Variants in IRAK1BP1 observed in about 807,000 individuals in gnomAD.
IRAK1BP1 encodes the protein interleukin 1 receptor associated kinase 1 binding protein 1.
A neutral mutation model predicts 28.0 loss-of-function variants in IRAK1BP1; 24 were observed. The observed-to-expected ratio is 0.86, with a 90% CI of 0.62 to 1.20. IRAK1BP1 has a LOEUF of 1.20. Ranked by LOEUF, IRAK1BP1 falls within the 50% of genes most tolerant of loss-of-function variation. IRAK1BP1 has a pLI of 0.00. For missense variants in IRAK1BP1, 336 were observed against 316.7 expected (o/e 1.06, Z -0.46); for synonymous variants, 131 against 116.3 (o/e 1.13, Z -0.81).
chr6:78,950,871 G>T (rs1180863628), downstream of IRAK1BP1, among the ~76,000 whole-genome samples: 2 of 151,618 alleles, frequency 1.3e-5, no homozygotes, highest in South Asian at 4.2e-4. Flanking sequence ...ATTTCCTTTT[G>T]TTGGCTTACC....
At chr6:78,914,568 T>A (rs1772508315) in intron 4 of IRAK1BP1, among the ~76,000 whole-genome samples, 1 of 152,212 alleles carries the variant, frequency 6.6e-6, no homozygotes, top group African/African-American at 2.4e-5. Flanking sequence ...GTCTTCTATT[T>A]TTTTGGTTGA....
chr6:78,947,913 G>T, downstream of IRAK1BP1: 1 of 469,756 alleles, frequency 2.1e-6, no homozygotes, highest in Non-Finnish European at 3.8e-6. Context: ...CCCTTATCAA[G>T]AGTCCCTTTT....
rs1771963578 is a variant in IRAK1BP1, at chr6:78,898,164, G to C, written c.613G>C (p.Glu205Gln). ...CTTAGGAAAACCTTTACTAATCAAAGAAGAAGAAACAAAAGAATGGGAAGG... is the reference window on the plus strand; with the variant it reads ...CTTAGGAAAACCTTTACTAATCAAACAAGAAGAAACAAAAGAATGGGAAGG... ...QTLGKPLLIK[E>Q]EETKEWEGQI... Residue 205 changes from glutamate (E) to glutamine (Q), a missense_variant, in exon 4 of 4, where the codon GAA becomes CAA. Glu to Gln is a conservative substitution (Grantham distance 29). Coordinates refer to ENST00000369940, the MANE Select transcript of IRAK1BP1 (RefSeq NM_001010844.4). 2 of 1,613,330 alleles carry C rather than the reference G, an allele frequency of 1.2e-6. No individual in the cohort carries two copies. Among genetic ancestry groups the C allele is most frequent in the African/African-American group, 1.3e-5 (1 of 74,744 alleles).
chr6:78,947,812 C>T (rs760830662), downstream of IRAK1BP1: 2 of 1,454,214 alleles, frequency 1.4e-6, no homozygotes, highest in Non-Finnish European at 9.6e-7. Flanking sequence ...ATGATTATTA[C>T]TACACAAAGC....
intron 4 of IRAK1BP1, among the ~76,000 whole-genome samples, chr6:78,943,480 A>G (rs1361669462): frequency 6.6e-6 from 1 of 152,222 alleles, no homozygotes; most frequent in Non-Finnish European, 1.5e-5. Flanking sequence ...AATTCAGTTC[A>G]GAAAGGGGGC....
chr6:78,978,045 C>T, the IRAK1BP1 span, among the ~76,000 whole-genome samples: 9 of 151,998 alleles, frequency 5.9e-5, no homozygotes, highest in Non-Finnish European at 1.2e-4. Context: ...AATGTTGAGA[C>T]CAGTTCTTAC....
the IRAK1BP1 span, among the ~76,000 whole-genome samples, chr6:78,975,201 A>G: frequency 6.6e-6 from 1 of 152,030 alleles, no homozygotes; most frequent in African/African-American, 2.4e-5. Context: ...CATCCCTGGG[A>G]TGCAAGGCTG....
chr6:78,903,759 A>G (rs888835279), downstream of IRAK1BP1, among the ~76,000 whole-genome samples: 3 of 152,148 alleles, frequency 2.0e-5, no homozygotes, highest in Admixed American at 2.0e-4. Flanking sequence ...ATTTTTCAGA[A>G]TAAGACACTT....
chr6:78,873,254 CAAAAAAAAAAAAAA>C (rs35962544), intron 1 of IRAK1BP1, among the ~76,000 whole-genome samples: 3 of 41,106 alleles, frequency 7.3e-5, no homozygotes, highest in Non-Finnish European at 1.2e-4. Flanking sequence ...AACTCTGTCT[CAAAAAAAAAAAAAA>C]AAAAAAAAAA....
intron 1 of IRAK1BP1, among the ~76,000 whole-genome samples, chr6:78,874,508 C>T (rs1383285796): frequency 1.3e-5 from 2 of 152,120 alleles, no homozygotes; most frequent in African/African-American, 4.8e-5. Flanking sequence ...GGTCCTGTGC[C>T]AGTACTATCC....
intron 4 of IRAK1BP1, among the ~76,000 whole-genome samples, chr6:78,932,515 A>G (rs1484568775): frequency 1.4e-5 from 2 of 141,524 alleles, no homozygotes; most frequent in Non-Finnish European, 3.0e-5. Flanking sequence ...TCCACCTCCC[A>G]GGTTCAAGCA....
At chr6:78,876,235 A>G (rs1770998527) in intron 1 of IRAK1BP1, among the ~76,000 whole-genome samples, 1 of 152,142 alleles carries the variant, frequency 6.6e-6, no homozygotes, top group African/African-American at 2.4e-5. Flanking sequence ...CTCTCCTGCC[A>G]ACATGTAAGA....
intron 1 of IRAK1BP1, among the ~76,000 whole-genome samples, chr6:78,869,183 G>C (rs887786175): frequency 9.2e-5 from 14 of 152,148 alleles, no homozygotes; most frequent in African/African-American, 3.4e-4. Context: ...AAGTTTTTAA[G>C]TTATTTACAT....
At chr6:78,903,145 G>A, downstream of IRAK1BP1, 2 of 1,137,902 alleles carry the variant, frequency 1.8e-6, no homozygotes, top group African/African-American at 1.6e-5. Flanking sequence ...AGAAAAAGAA[G>A]ACTAAGAAAA....
downstream of IRAK1BP1, among the ~76,000 whole-genome samples, chr6:78,947,307 C>G (rs1201090866): frequency 6.6e-6 from 1 of 152,128 alleles, no homozygotes; most frequent in African/African-American, 2.4e-5. Flanking sequence ...TTGTAAAAAT[C>G]TTCGCAAAAA....
chr6:78,939,246 C>T (rs965215546), intron 4 of IRAK1BP1: 1 of 151,650 alleles, frequency 6.6e-6, no homozygotes, highest in Non-Finnish European at 1.5e-5. Context: ...TTATCATTTA[C>T]AATAGACAAC....
At chr6:78,962,784 A>G in the IRAK1BP1 span, among the ~76,000 whole-genome samples, 108 of 152,272 alleles carry the variant, frequency 7.1e-4, no homozygotes, top group African/African-American at 2.6e-3. Flanking sequence ...TCCTCCTCCA[A>G]TTCATATCAT....
the IRAK1BP1 span, chr6:78,954,694 C>T: frequency 1.6e-6 from 1 of 642,042 alleles, no homozygotes; most frequent in South Asian, 2.2e-5. Flanking sequence ...ATAATGAGAA[C>T]ATGTATAAAA....
intron 2 of IRAK1BP1, among the ~76,000 whole-genome samples, chr6:78,891,375 G>T (rs1378844585): frequency 6.6e-6 from 1 of 152,110 alleles, no homozygotes; most frequent in Non-Finnish European, 1.5e-5. Flanking sequence ...AGGAGGGTTG[G>T]ATTAAAATCC....
Sources: gnomAD v4.1 joint callset for allele counts (sites outside exome capture counted in the v4.1 genomes callset) on GRCh38, gnomAD v4.1.1 for gene constraint, MANE v1.5 for transcripts, NCBI Gene and HGNC (gene_info 2026-07-23, HGNC 2026-07-21) for gene names.